LOXHD1: variants seen among roughly 807,000 people sequenced by gnomAD.
LOXHD1 encodes lipoxygenase homology PLAT domains 1.
LOXHD1 carries 205 observed loss-of-function variants against 248.2 expected under a neutral mutation model. That is an observed-to-expected ratio of 0.83 (90% CI 0.74 to 0.93). LOXHD1 has a LOEUF of 0.93. Ranked by LOEUF, LOXHD1 falls within the 40% of genes least tolerant of loss-of-function variation. The probability of loss-of-function intolerance (pLI) is 0.00; values close to 1 mark genes in which losing one functional copy is unlikely to be tolerated. For synonymous variants in LOXHD1, 1,113 were observed against 1,162.8 expected (o/e 0.96, Z 0.87); for missense variants, 2,930 against 2,971.6 (o/e 0.99, Z 0.33).
chr18:46,632,450 G>A (rs2038837540), intron 4 of LOXHD1, among the ~76,000 whole-genome samples: 2 of 152,216 alleles, frequency 1.3e-5, no homozygotes, highest in Admixed American at 1.3e-4. Context: ...TGCTAAGGAT[G>A]ATGCTGCACC....
At chr18:46,561,963 C>A (rs1378048113) in intron 18 of LOXHD1, among the ~76,000 whole-genome samples, 1 of 152,206 alleles carries the variant, frequency 6.6e-6, no homozygotes, top group Non-Finnish European at 1.5e-5. Flanking sequence ...ACCACCACAT[C>A]CAGTAAATTG....
chr18:46,591,981 C>G lies in LOXHD1; in HGVS notation c.1606G>C (p.Val536Leu), dbSNP rs1239629845. The change falls in exon 12 of 41, where the codon GTG becomes CTG. Residue 536 changes from valine (V) to leucine (L), a missense_variant. Val to Leu is a conservative substitution (Grantham distance 32). Transcript: ENST00000642948. ...LDANEDDNEI[V>L]REMTAEGPTV... ...GGGCCTTCTGCAGTCATTTCCCTCA[C>G]TATCTCATTGTCATCCTCATTGGCA... 1.2e-5 allele frequency: 19 copies of G among 1,551,996 alleles called. 1 individual carries two copies. Among genetic ancestry groups the G allele is most frequent in the Non-Finnish European group, 1.6e-5 (18 of 1,147,088 alleles).
chr18:46,553,842 G>C (rs190767987), intron 21 of LOXHD1, among the ~76,000 whole-genome samples: 1 of 152,354 alleles, frequency 6.6e-6, no homozygotes. Flanking sequence ...CCTGCCTGAA[G>C]AAAGCATGAC....
intron 3 of LOXHD1, among the ~76,000 whole-genome samples, chr18:46,641,172 T>C (rs1213505287): frequency 6.6e-6 from 1 of 152,050 alleles, no homozygotes; most frequent in Non-Finnish European, 1.5e-5. Context: ...GCCCCTTATT[T>C]CCCCAGCAAA....
At chr18:46,628,556 A>T (rs2038777197) in intron 4 of LOXHD1, among the ~76,000 whole-genome samples, 1 of 152,224 alleles carries the variant, frequency 6.6e-6, no homozygotes, top group South Asian at 2.1e-4. Context: ...AGTCAAGGTG[A>T]TGAGCCTATT....
intron 7 of LOXHD1, among the ~76,000 whole-genome samples, chr18:46,602,244 C>T (rs926723016): frequency 6.6e-6 from 1 of 152,134 alleles, no homozygotes; most frequent in African/African-American, 2.4e-5. Context: ...CTCACTCTAT[C>T]ACCCAGGCTG....
chr18:46,546,382 C>G (rs200164565), intron 22 of LOXHD1, among the ~76,000 whole-genome samples: 10,876 of 151,930 alleles, frequency 0.072, 494 homozygotes, highest in Non-Finnish European at 0.1. Flanking sequence ...CCATTCCATT[C>G]CATTCCAATC....
rs12958054 is a variant in LOXHD1 at position 46,574,392 on chromosome 18, C to T, written c.1971-2230G>A. Reference sequence around the variant, plus strand: ...AGGAGTGTGTGTGTGTACACATACACACACACACACACACACACACACACA... The same window carrying T: ...AGGAGTGTGTGTGTGTACACATACATACACACACACACACACACACACACA... On this transcript the variant is annotated intron_variant, in intron 14 of 40. Coordinates refer to ENST00000642948, the MANE Select transcript of LOXHD1 (RefSeq NM_001384474.1). Among the ~76,000 whole-genome samples the T allele has an allele frequency of 8.8e-5, 13 of 147,550 alleles. No homozygotes were observed. In the South Asian group the frequency reaches 2.6e-3, roughly 29 times the overall value.
rs964893685 is a variant in LOXHD1 at position 46,647,428 on chromosome 18, C to T, written c.245+1727G>A. The stretch of plus-strand genomic sequence containing the variant: ...GTGAAAGGAGGGAAGGCAGTTAGGA[C>T]CACCATCAAAGGAGAAAAGGATTCA... On this transcript the variant is annotated intron_variant, in intron 2 of 40. Coordinates refer to ENST00000642948, the MANE Select transcript of LOXHD1 (RefSeq NM_001384474.1). Among the ~76,000 whole-genome samples, 3 of 152,174 alleles carry T rather than the reference C, an allele frequency of 2.0e-5. No homozygotes were observed. The East Asian group carries it at 5.8e-4, about 29-fold the overall frequency.
chr18:46,560,204 C>T lies in LOXHD1; in HGVS notation c.2940G>A (p.Gly980=), dbSNP rs890553851. The T allele has an allele frequency of 3.3e-5, 51 of 1,551,758 alleles. No individual in the cohort carries two copies. Among genetic ancestry groups the T allele is most frequent in the Non-Finnish European group, 4.4e-5 (50 of 1,147,056 alleles). The change falls in exon 19 of 41, where the codon GGG becomes GGA. Residue 980 remains glycine, a synonymous_variant. Coordinates refer to ENST00000642948, the MANE Select transcript of LOXHD1 (RefSeq NM_001384474.1). ...GCTCAATCACCTCCTGCATCCCCGG[C>T]CCAAACTCCTCCTCTTCCTCCTCTT... ...MEEEEEEEEF[G]PGMQEVIEQH... is the part of the protein sequence containing the mutation.
chr18:46,634,775 C>T (rs1016475146), intron 4 of LOXHD1, among the ~76,000 whole-genome samples: 1 of 152,072 alleles, frequency 6.6e-6, no homozygotes, highest in Non-Finnish European at 1.5e-5. Context: ...TAGAGTTTAC[C>T]AGGATCTCAG....
intron 37 of LOXHD1, among the ~76,000 whole-genome samples, chr18:46,494,839 T>TTC (rs1363456734): frequency 5.6e-5 from 7 of 125,818 alleles, no homozygotes; most frequent in Admixed American, 8.2e-5. Flanking sequence ...TTTCTCCTTT[T>TTC]TCTCTCTCTC....
intron 1 of LOXHD1, among the ~76,000 whole-genome samples, chr18:46,655,430 A>C (rs532041612): frequency 6.6e-6 from 1 of 152,326 alleles, no homozygotes; most frequent in East Asian, 1.9e-4. Flanking sequence ...GCTGGCTGTG[A>C]GAGGTTCTAG....
intron 4 of LOXHD1, among the ~76,000 whole-genome samples, chr18:46,629,353 T>C (rs1387355430): frequency 6.6e-6 from 1 of 152,244 alleles, no homozygotes; most frequent in Admixed American, 6.5e-5. Flanking sequence ...CTATAGAATC[T>C]GGGAATAAGT....
At chr18:46,509,890 C>T (rs567396667) in intron 34 of LOXHD1, 75 bp from the exon 35 acceptor site, 719 of 1,086,730 alleles carry the variant, frequency 6.6e-4, no homozygotes, top group South Asian at 9.1e-4. Flanking sequence ...AGGCCAGAGG[C>T]CAGGTTTGGG....
At chr18:46,579,265 C>T (rs1248108041) in intron 13 of LOXHD1, among the ~76,000 whole-genome samples, 1 of 152,194 alleles carries the variant, frequency 6.6e-6, no homozygotes, top group East Asian at 1.9e-4. Context: ...GCTGCTGCTG[C>T]TTCCCAGTGT....
Position 46,577,843 on chromosome 18 carries a change from C to G in LOXHD1, c.1834G>C (p.Val612Leu). 6.4e-7 allele frequency: 1 copy of G among 1,551,712 alleles called. No homozygotes were observed. Among genetic ancestry groups the G allele is most frequent in the Non-Finnish European group, 8.7e-7 (1 of 1,147,002 alleles). The change falls in exon 14 of 41, where the codon GTC (valine) becomes CTC (leucine). Residue 612 changes from valine (V) to leucine (L), a missense_variant. Coordinates refer to ENST00000642948, the MANE Select transcript of LOXHD1 (RefSeq NM_001384474.1). ...ACCCGCCTCACATTCCGCATGGTGA[C>G]AGACTCGATAGTGAACTCGTCAGCC... Reference protein sequence around the residue: ...GNADEFTIESVTMRNVRRVRI... With the variant: ...GNADEFTIESLTMRNVRRVRI...
At chr18:46,644,097 T>C (rs1192635479) in intron 2 of LOXHD1, among the ~76,000 whole-genome samples, 4 of 152,168 alleles carry the variant, frequency 2.6e-5, no homozygotes, top group Admixed American at 2.6e-4. Context: ...GTTTCTGTAA[T>C]TATGAAAAAA....
intron 1 of LOXHD1, among the ~76,000 whole-genome samples, chr18:46,654,583 G>C (rs1878059): frequency 6.6e-6 from 1 of 152,144 alleles, no homozygotes; most frequent in Non-Finnish European, 1.5e-5. Flanking sequence ...GGGAATCCCA[G>C]GGTAGCCAGA....
Sources: allele counts gnomAD v4.1 joint callset (sites outside exome capture counted in the v4.1 genomes callset), GRCh38; gene constraint gnomAD v4.1.1; transcripts MANE v1.5; gene names NCBI Gene and HGNC (gene_info 2026-07-23, HGNC 2026-07-21).